The following CA2 variants were observed in gnomAD, a reference collection of about 807,000 sequenced individuals.
CA2 encodes carbonate dehydratase II.
Under a neutral mutation model 27.8 loss-of-function variants are expected in CA2, and 23 were observed. The ratio of observed to expected loss-of-function variants is 0.83; its 90% CI spans 0.59 to 1.17. The LOEUF is 1.17. Ranked by LOEUF, CA2 falls within the 50% of genes most tolerant of loss-of-function variation. The pLI, the probability that CA2 is intolerant of heterozygous loss-of-function variation, is 0.00. For missense variants in CA2, 300 were observed against 314.7 expected (o/e 0.95, Z 0.35); for synonymous variants, 99 against 114.9 (o/e 0.86, Z 0.88).
chr8:85,475,860 G>A lies in CA2; in HGVS notation c.507G>A (p.Lys169=), dbSNP rs1418165116. Residue 169 remains lysine (K), a splice_region_variant and synonymous_variant, in exon 5 of 7, where the codon AAG becomes AAA. Coordinates refer to ENST00000285379, the MANE Select transcript of CA2 (RefSeq NM_000067.3). ...VVDVLDSIKT[K]GKSADFTNFD... The stretch of plus-strand genomic sequence containing the variant: ...ATGTGCTGGATTCCATTAAAACAAA[G>A]GTAAATTTGAATTTTCTGCCACCTC... 2 of 1,613,662 alleles carry A rather than the reference G, an allele frequency of 1.2e-6. No individual in the cohort carries two copies. The highest frequency in any genetic ancestry group is 2.2e-5 in the East Asian group (1 of 44,868).
chr8:85,465,255 T>A lies in CA2; in HGVS notation c.35-17T>A. On this transcript the variant is annotated splice_polypyrimidine_tract_variant and intron_variant, in intron 1 of 6. Transcript: ENST00000285379. ...CTTTCCCCACAATGGGGGATTCACA[T>A]GTCTTCTTTCCCCCAGGACCTGAGC... 2 of 1,604,606 alleles carry A rather than the reference T, an allele frequency of 1.2e-6. No individual in the cohort carries two copies. The highest frequency in any genetic ancestry group is 1.7e-6 in the Non-Finnish European group (2 of 1,171,350).
chr8:85,474,039 C>T (rs1811749816), intron 3 of CA2: 1 of 606,736 alleles, frequency 1.6e-6, no homozygotes, highest in African/African-American at 1.9e-5. Flanking sequence ...AGTAAACGGA[C>T]TCAAACTGGA....
chr8:85,480,714 C>G lies in CA2; in HGVS notation c.708C>G (p.Pro236=). 6.2e-7 allele frequency: 1 copy of G among 1,613,588 alleles called. No homozygotes were observed. The highest frequency in any genetic ancestry group is 8.5e-7 in the Non-Finnish European group (1 of 1,179,686). Reference sequence around the variant, plus strand: ...TTAACTTCAATGGGGAGGGTGAACCCGAAGAACTGATGGTGGACAACTGGC... The same window carrying G: ...TTAACTTCAATGGGGAGGGTGAACCGGAAGAACTGATGGTGGACAACTGGC... ...RKLNFNGEGE[P]EELMVDNWRP... The change falls in exon 7 of 7, where the codon CCC becomes CCG. Residue 236 remains proline (P), a synonymous_variant. Coordinates refer to ENST00000285379, the MANE Select transcript of CA2 (RefSeq NM_000067.3).
intron 5 of CA2, among the ~76,000 whole-genome samples, chr8:85,476,708 A>G (rs1413198351): frequency 1.3e-5 from 2 of 152,138 alleles, no homozygotes; most frequent in Non-Finnish European, 1.5e-5. Context: ...TAGTTATTTG[A>G]TTCTGACCTA....
In CA2 at chr8:85,477,280, G is replaced by C. The variant is rs1422267724; in HGVS notation, c.663+5G>C. 1.2e-6 allele frequency: 2 copies of C among 1,613,910 alleles called. No individual in the cohort carries two copies. Among genetic ancestry groups the C allele is most frequent in the Non-Finnish European group, 1.7e-6 (2 of 1,179,954 alleles). On this transcript the variant is annotated splice_donor_5th_base_variant and intron_variant, in intron 6 of 6. Coordinates refer to ENST00000285379, the MANE Select transcript of CA2 (RefSeq NM_000067.3). ...ATCAGCGTCAGCAGCGAGCAGGTTT[G>C]TTTTGTAATGACAGGTCTGTTTACG...
rs886063149 is a variant in CA2 at position 85,477,113 on chromosome 8, G to A, written c.508-7G>A. 5 of 1,613,932 alleles carry A rather than the reference G, an allele frequency of 3.1e-6. No homozygotes were observed. Among genetic ancestry groups the A allele is most frequent in the Non-Finnish European group, 4.2e-6 (5 of 1,179,904 alleles). ...TAGTTTGAAGCTGCGTATTTGCCTTGTTCTAGGGCAAGAGTGCTGACTTCA... is the reference window on the plus strand; with the variant it reads ...TAGTTTGAAGCTGCGTATTTGCCTTATTCTAGGGCAAGAGTGCTGACTTCA... On this transcript the variant is annotated splice_polypyrimidine_tract_variant and splice_region_variant and intron_variant, in intron 5 of 6. Transcript: ENST00000285379.
chr8:85,475,952 C>T, intron 5 of CA2, 92 bp downstream of exon 5: 1 of 947,122 alleles, frequency 1.1e-6, no homozygotes, highest in Non-Finnish European at 1.7e-6. Flanking sequence ...TGCACAGTCT[C>T]AATGACATGT....
At chr8:85,467,178 A>G (rs1811643163) in intron 2 of CA2, among the ~76,000 whole-genome samples, 1 of 152,188 alleles carries the variant, frequency 6.6e-6, no homozygotes, top group Non-Finnish European at 1.5e-5. Context: ...AATAGTCCTT[A>G]AAAAATGGAT....
In CA2 at chr8:85,480,779, C is replaced by T; in HGVS notation, c.773C>T (p.Ser258Phe). 6.2e-7 allele frequency: 1 copy of T among 1,613,832 alleles called. No individual in the cohort carries two copies. The highest frequency in any genetic ancestry group is 1.1e-5 in the South Asian group (1 of 91,076). Residue 258 changes from serine to phenylalanine, a missense_variant, in exon 7 of 7, where the codon TCC (serine) becomes TTC (phenylalanine). Ser to Phe is a radical substitution (Grantham distance 155, BLOSUM62 -2). Transcript: ENST00000285379. The stretch of plus-strand genomic sequence containing the variant: ...CTGAAGAACAGGCAAATCAAAGCTT[C>T]CTTCAAATAAGATGGTCCCATAGTC... Reference protein sequence around the residue: ...QPLKNRQIKASFK With the variant: ...QPLKNRQIKAFFK
chr8:85,472,358 AT>A (rs1041190587), intron 2 of CA2, among the ~76,000 whole-genome samples: 2 of 152,194 alleles, frequency 1.3e-5, no homozygotes, highest in Non-Finnish European at 2.9e-5. Flanking sequence ...TATTGGTTAA[AT>A]CCCATTAATA....
At chr8:85,466,127 TAAA>T (rs10573662) in intron 2 of CA2, among the ~76,000 whole-genome samples, 2,869 of 135,584 alleles carry the variant, frequency 0.021, 97 homozygotes, top group African/African-American at 0.07. Flanking sequence ...ATGCTCACTG[TAAA>T]AAAAAAAAAA....
chr8:85,475,578 C>CTACT (rs1208214241), intron 4 of CA2, among the ~76,000 whole-genome samples: 3 of 152,038 alleles, frequency 2.0e-5, no homozygotes, highest in Non-Finnish European at 4.4e-5. Flanking sequence ...GGTTTCAGGA[C>CTACT]TACTCTCTGA....
At chr8:85,476,312 C>T (rs180883931) in intron 5 of CA2, among the ~76,000 whole-genome samples, 1 of 152,302 alleles carries the variant, frequency 6.6e-6, no homozygotes, top group East Asian at 1.9e-4. Flanking sequence ...TTCATCCATC[C>T]TGCATTTAAA....
At chr8:85,473,594 G>T in intron 2 of CA2, 99 bp from the exon 3 acceptor site, 1 of 713,198 alleles carries the variant, frequency 1.4e-6, no homozygotes, top group East Asian at 2.7e-5. Flanking sequence ...ATTTAGGCAT[G>T]TGTTTCATGT....
intron 6 of CA2, among the ~76,000 whole-genome samples, chr8:85,477,667 A>G (rs887578709): frequency 3.6e-4 from 55 of 152,074 alleles, no homozygotes; most frequent in African/African-American, 1.3e-3. Flanking sequence ...GCTTTCTGCT[A>G]TTTTATTTAT....
Position 85,465,387 on chromosome 8 carries a change from C to T in CA2, c.150C>T (p.Ser50=), listed in dbSNP as rs749302504. 22 of 1,614,192 alleles carry T rather than the reference C, an allele frequency of 1.4e-5. 1 individual carries two copies. The highest frequency in any genetic ancestry group is 9.9e-5 in the South Asian group (9 of 91,084). ...YDPSLKPLSV[S]YDQATSLRIL... ...CTTCCCTGAAGCCCCTGTCTGTTTCCTATGATCAAGCAACTTCCCTGAGGA... is the reference window on the plus strand; with the variant it reads ...CTTCCCTGAAGCCCCTGTCTGTTTCTTATGATCAAGCAACTTCCCTGAGGA... Residue 50 remains serine, a synonymous_variant, in exon 2 of 7, where the codon TCC becomes TCT. Transcript: ENST00000285379.
intron 2 of CA2, among the ~76,000 whole-genome samples, chr8:85,471,593 T>G (rs1811713803): frequency 6.6e-6 from 1 of 152,084 alleles, no homozygotes; most frequent in Non-Finnish European, 1.5e-5. Flanking sequence ...GAAGATACAT[T>G]TAGAAAATTG....
Position 85,480,950 on chromosome 8 carries a change from G to A in CA2, c.*161G>A. On this transcript the variant is annotated 3_prime_UTR_variant, in exon 7 of 7. Transcript: ENST00000285379. ...ACTTACTAATAAAATGTGAAGACTAGACCAATTGTCATGCTTGACACAACT... is the reference window on the plus strand; with the variant it reads ...ACTTACTAATAAAATGTGAAGACTAAACCAATTGTCATGCTTGACACAACT... 1 of 722,828 alleles carries A rather than the reference G, an allele frequency of 1.4e-6. No homozygotes were observed. Among genetic ancestry groups the A allele is most frequent in the Non-Finnish European group, 2.4e-6 (1 of 424,618 alleles). 44.8% of individuals were successfully genotyped at this position (722,828 alleles called of 1,614,324 possible).
intron 6 of CA2, 40 bp from the exon 7 acceptor site, chr8:85,480,630 T>C: frequency 6.3e-7 from 1 of 1,588,574 alleles, no homozygotes; most frequent in Non-Finnish European, 8.6e-7. Context: ...TGAATACCAT[T>C]GTGAAACATT....
Sources: allele counts gnomAD v4.1 joint callset (sites outside exome capture counted in the v4.1 genomes callset), GRCh38; gene constraint gnomAD v4.1.1; transcripts MANE v1.5; gene names NCBI Gene and HGNC (gene_info 2026-07-23, HGNC 2026-07-21).